Variants in GPSM1 observed in about 807,000 individuals in gnomAD.
GPSM1 encodes the protein G protein-signaling modulator 1.
In GPSM1, 48 loss-of-function variants were observed where a neutral mutation model predicts 70.5. The ratio of observed to expected loss-of-function variants is 0.68; its 90% CI spans 0.54 to 0.87. GPSM1 has a LOEUF of 0.87. Ranked by LOEUF, GPSM1 falls within the 40% of genes least tolerant of loss-of-function variation. The probability of loss-of-function intolerance (pLI) is 0.00; values close to 1 mark genes in which losing one functional copy is unlikely to be tolerated. For synonymous variants in GPSM1, 416 were observed against 430.1 expected, an observed-to-expected ratio of 0.97 and a Z score of 0.41; for missense variants, 981 against 972.6, an observed-to-expected ratio of 1.01 and a Z score of -0.11.
intron 11 of GPSM1, among the ~76,000 whole-genome samples, chr9:136,354,292 C>G (rs1353642784): frequency 3.9e-5 from 6 of 152,338 alleles, no homozygotes; most frequent in African/African-American, 1.4e-4. Flanking sequence ...CTCCTGTGCC[C>G]TGGGCCGAGT....
chr9:136,349,769 C>A lies in GPSM1; in HGVS notation c.1455+6C>A. On this transcript the variant is annotated splice_donor_region_variant and intron_variant, in intron 11 of 13. Transcript: ENST00000440944. ...GGGTGCACGTGCCACGCACGGTAGG[C>A]GTCTTTGACGGCAGATCCAGGCCGA... The A allele has an allele frequency of 1.3e-6, 2 of 1,565,388 alleles. No homozygotes were observed. The highest frequency in any genetic ancestry group is 1.7e-6 in the Non-Finnish European group (2 of 1,156,234).
Position 136,358,383 on chromosome 9 carries a change from G to A in GPSM1, c.*163G>A. The A allele has an allele frequency of 1.5e-6, 1 of 661,126 alleles. No individual in the cohort carries two copies. Among genetic ancestry groups the A allele is most frequent in the Non-Finnish European group, 2.5e-6 (1 of 395,648 alleles). 41.0% of individuals were successfully genotyped at this position (661,126 alleles called of 1,614,324 possible). ...ACAGGCTCAGGCCAAGCTGCCCGTG[G>A]TGGGAGGGCGTGCTTCCATCCCGGG... On this transcript the variant is annotated 3_prime_UTR_variant, in exon 14 of 14. Transcript: ENST00000440944.
At position 136,339,833 on chromosome 9, in the gene GPSM1, C is replaced by A; in HGVS notation, c.1083+18C>A. 2 of 1,478,780 alleles carry A rather than the reference C, an allele frequency of 1.4e-6. No individual in the cohort carries two copies. Among genetic ancestry groups the A allele is most frequent in the Non-Finnish European group, 1.8e-6 (2 of 1,082,216 alleles). 91.6% of individuals were successfully genotyped at this position (1,478,780 alleles called of 1,614,324 possible). On this transcript the variant is annotated intron_variant, in intron 8 of 13. Transcript: ENST00000440944. ...CCCAGGAGGTGAGCCAGGCCTGCCCCCAGAAGTCCCGGGCACTGCCCAGCC... is the reference window on the plus strand; with the variant it reads ...CCCAGGAGGTGAGCCAGGCCTGCCCACAGAAGTCCCGGGCACTGCCCAGCC...
rs59873903 is a variant in GPSM1, at chr9:136,341,069, C to A, written c.1207+76C>A. The A allele has an allele frequency of 0.18, 272,857 of 1,550,778 alleles. 24,902 individuals are homozygous for A. Among genetic ancestry groups the A allele is most frequent in the African/African-American group, 0.27 (19,945 of 73,106 alleles). ...ATCAGGAGCTGCGGAGGGGTGGGAT[C>A]GAGGCCAGGCCAGCATGGCGGAGGT... On this transcript the variant is annotated intron_variant, in intron 9 of 13. Transcript: ENST00000440944. The surrounding 1 kb of genome is among the most constrained non-coding windows in gnomAD (Gnocchi z 6.7).
At chr9:136,331,998 G>A (rs1231562879) in intron 1 of GPSM1, 2 of 398,466 alleles carry the variant, frequency 5.0e-6, no homozygotes, top group Non-Finnish European at 8.9e-6. Context: ...GAGGGCCTGG[G>A]GCCTGGCGAT....
At position 136,356,377 on chromosome 9, in the gene GPSM1, G is replaced by A. The variant is rs1554773147; in HGVS notation, c.1648G>A (p.Glu550Lys). The change falls in exon 13 of 14, where the codon GAA becomes AAA. Residue 550 changes from glutamate to lysine, a missense_variant. Coordinates refer to ENST00000440944, the MANE Select transcript of GPSM1 (RefSeq NM_001145638.3). The stretch of plus-strand genomic sequence containing the variant: ...GATGACGGCCTCGCCCCAGACCGAG[G>A]AATTCTTCGACCTCATCGCCAGCTC... ...PSMTASPQTE[E>K]FFDLIASSQS... 3.7e-6 allele frequency: 6 copies of A among 1,605,346 alleles called. No homozygotes were observed. The highest frequency in any genetic ancestry group is 5.1e-6 in the Non-Finnish European group (6 of 1,175,654).
Position 136,341,179 on chromosome 9 carries a change from C to A in GPSM1, c.1207+186C>A. 1 of 1,547,710 alleles carries A rather than the reference C, an allele frequency of 6.5e-7. No individual in the cohort carries two copies. Among genetic ancestry groups the A allele is most frequent in the Non-Finnish European group, 8.7e-7 (1 of 1,145,578 alleles). ...GGCCTGAGGTTCACCCTGAGCCCTT[C>A]CCACCCGCATCCTGAGTGGCGCTGC... On this transcript the variant is annotated intron_variant, in intron 9 of 13. Transcript: ENST00000440944. This position sits in a 1 kb window ranked among gnomAD's most constrained non-coding sequence, Gnocchi z 6.7.
chr9:136,331,950 C>T, intron 1 of GPSM1: 1 of 398,314 alleles, frequency 2.5e-6, no homozygotes, highest in Non-Finnish European at 4.4e-6. Context: ...CCCCCCAGGA[C>T]CCGTGGCCAT....
At chr9:136,356,975 C>G (rs1554773320) in intron 13 of GPSM1, among the ~76,000 whole-genome samples, 1 of 152,220 alleles carries the variant, frequency 6.6e-6, no homozygotes, top group Non-Finnish European at 1.5e-5. Context: ...TGCCAGCTGG[C>G]TGGTGGGACA....
chr9:136,330,548 G>A (rs1200543543), intron 1 of GPSM1, among the ~76,000 whole-genome samples: 1 of 152,110 alleles, frequency 6.6e-6, no homozygotes, highest in Non-Finnish European at 1.5e-5. Context: ...CCGGTCCTGC[G>A]CCTCACTCTC....
chr9:136,349,853 C>T (rs1832615925), intron 11 of GPSM1, 90 bp downstream of exon 11: 2 of 1,272,816 alleles, frequency 1.6e-6, no homozygotes. Flanking sequence ...GGGGCCAGGT[C>T]AGGCCCGGGC....
chr9:136,346,437 G>A (rs1396977566), intron 9 of GPSM1, among the ~76,000 whole-genome samples: 1 of 152,234 alleles, frequency 6.6e-6, no homozygotes, highest in African/African-American at 2.4e-5. Flanking sequence ...GGGGCTGCTA[G>A]CAGCCAGGCC....
intron 6 of GPSM1, among the ~76,000 whole-genome samples, chr9:136,338,330 A>G (rs943479928): frequency 8.5e-5 from 13 of 152,326 alleles, no homozygotes; most frequent in South Asian, 4.1e-4. Flanking sequence ...GTGGCGGCTC[A>G]GGGTGGTCAG....
chr9:136,356,676 T>A (rs1554773253), intron 13 of GPSM1, 126 bp downstream of exon 13: 1 of 685,754 alleles, frequency 1.5e-6, no homozygotes, highest in Admixed American at 2.8e-5. Context: ...TTTGAGGGAC[T>A]CCTGGGGGAC....
At position 136,341,686 on chromosome 9, in the gene GPSM1, C is replaced by A. The variant is rs534906413; in HGVS notation, c.1207+693C>A. ...TCCCAAAGGTCTTGAGTTTGCCAGC[C>A]CCCGAGAAGGGATGCCTGCCTCCCA... On this transcript the variant is annotated intron_variant, in intron 9 of 13. Transcript: ENST00000440944. This position sits in a 1 kb window ranked among gnomAD's most constrained non-coding sequence, Gnocchi z 6.7. The A allele has an allele frequency of 2.0e-6, 2 of 992,678 alleles. No homozygotes were observed. The highest frequency in any genetic ancestry group is 1.1e-4 in the East Asian group (1 of 8,882). 61.5% of individuals were successfully genotyped at this position (992,678 alleles called of 1,614,324 possible).
intron 11 of GPSM1, chr9:136,354,972 G>C (rs1554772752): frequency 9.3e-7 from 1 of 1,072,822 alleles, no homozygotes; most frequent in African/African-American, 1.7e-5. Flanking sequence ...CCTGGACTGG[G>C]GTAGCACCCA....
At chr9:136,344,556 T>G (rs1832475765) in intron 9 of GPSM1, among the ~76,000 whole-genome samples, 1 of 152,130 alleles carries the variant, frequency 6.6e-6, no homozygotes, top group African/African-American at 2.4e-5. Context: ...CCACTTGTCA[T>G]TATGGGGCTC....
chr9:136,327,669 C>G lies in GPSM1; in HGVS notation c.-27C>G, dbSNP rs1425445196. ...ACGGCCACGGCGCGGGGGGCGCTCC[C>G]GGCTCCCGCTCCCGCGTCCCCGACC... On this transcript the variant is annotated 5_prime_UTR_variant, in exon 1 of 14. Coordinates refer to ENST00000440944, the MANE Select transcript of GPSM1 (RefSeq NM_001145638.3). The G allele has an allele frequency of 2.2e-5, 21 of 976,736 alleles. No individual in the cohort carries two copies. In the African/African-American group the frequency reaches 3.5e-4, roughly 16 times the overall value. 60.5% of individuals were successfully genotyped at this position (976,736 alleles called of 1,614,324 possible).
chr9:136,356,005 G>A (rs1213253300), intron 12 of GPSM1, among the ~76,000 whole-genome samples, 159 bp downstream of exon 12: 2 of 152,158 alleles, frequency 1.3e-5, no homozygotes, highest in African/African-American at 4.8e-5. Flanking sequence ...CCCCCACAGA[G>A]CAGCATCCCG....
Sources: gnomAD v4.1 joint callset for allele counts (sites outside exome capture counted in the v4.1 genomes callset) on GRCh38, gnomAD v4.1.1 for gene constraint, Gnocchi (gnomAD v3.1) non-coding constraint, MANE v1.5 for transcripts, NCBI Gene and HGNC (gene_info 2026-07-23, HGNC 2026-07-21) for gene names.